Variants in TTLL12 observed in about 807,000 individuals in gnomAD.
The protein encoded by TTLL12 is tubulin tyrosine ligase like 12.
TTLL12 carries 77 observed loss-of-function variants against 79.6 expected under a neutral mutation model. That is an observed-to-expected ratio of 0.97 (90% CI 0.81 to 1.17). The LOEUF (loss-of-function observed/expected upper bound fraction) is 1.17, where lower values mean the gene tolerates loss of function less well. Among genes scored for constraint, TTLL12 ranks in the 50% most tolerant of loss-of-function variants. TTLL12 has a pLI of 0.00. For synonymous variants in TTLL12, 437 were observed against 376.1 expected, an observed-to-expected ratio of 1.16 and a Z score of -1.87; for missense variants, 969 against 895.9, an observed-to-expected ratio of 1.08 and a Z score of -1.04.
chr22:43,184,681 G>A (rs1284294716), intron 1 of TTLL12, among the ~76,000 whole-genome samples: 6 of 152,240 alleles, frequency 3.9e-5, no homozygotes, highest in South Asian at 2.1e-4. Context: ...TAGGGCTGGG[G>A]GGAGGCTCAG....
intron 5 of TTLL12, among the ~76,000 whole-genome samples, 194 bp from the exon 6 acceptor site, chr22:43,176,590 C>T (rs1330770552): frequency 6.6e-6 from 1 of 151,910 alleles, no homozygotes; most frequent in Non-Finnish European, 1.5e-5. Context: ...ATTAGCCAGG[C>T]ATGGTGGCGC....
At chr22:43,183,672 C>T (rs958770108) in intron 1 of TTLL12, among the ~76,000 whole-genome samples, 1 of 152,256 alleles carries the variant, frequency 6.6e-6, no homozygotes, top group Non-Finnish European at 1.5e-5. Context: ...TCCAGGCCAA[C>T]AGGAAGCGAG....
At chr22:43,186,744 T>C in intron 1 of TTLL12, 149 bp downstream of exon 1, 2 of 809,918 alleles carry the variant, frequency 2.5e-6, no homozygotes, top group Non-Finnish European at 3.3e-6. Context: ...GGCCCCCAAC[T>C]CCACGCCGCT....
chr22:43,172,358 G>C (rs1278464892), intron 10 of TTLL12, 45 bp downstream of exon 10: 2 of 1,602,476 alleles, frequency 1.2e-6, no homozygotes, highest in Admixed American at 1.7e-5. Context: ...CCTCCACCCG[G>C]TCACCCAGCT....
intron 1 of TTLL12, among the ~76,000 whole-genome samples, chr22:43,186,495 A>G (rs1932189019): frequency 1.3e-5 from 2 of 152,188 alleles, no homozygotes; most frequent in African/African-American, 4.8e-5. Context: ...TTACAGCTAC[A>G]CAAATTCACG....
chr22:43,172,660 C>T (rs73163906), intron 9 of TTLL12, 106 bp from the exon 10 acceptor site: 208 of 1,255,696 alleles, frequency 1.7e-4, no homozygotes, highest in Non-Finnish European at 2.0e-4. Flanking sequence ...CACTTTACTC[C>T]TCCTTCTGCC....
chr22:43,177,277 G>C (rs1404915653), intron 5 of TTLL12, among the ~76,000 whole-genome samples: 1 of 151,594 alleles, frequency 6.6e-6, no homozygotes, highest in Admixed American at 6.6e-5. Context: ...GCTGAGGCAG[G>C]AGGATTGCCT....
intron 11 of TTLL12, 111 bp from the exon 12 acceptor site, chr22:43,169,679 G>C: frequency 8.4e-7 from 1 of 1,188,188 alleles, no homozygotes; most frequent in Non-Finnish European, 1.2e-6. Flanking sequence ...GGGGGTTCCA[G>C]GAGCAGGCAG....
At chr22:43,169,017 C>G in intron 12 of TTLL12, 105 bp from the exon 13 acceptor site, 5 of 1,412,232 alleles carry the variant, frequency 3.5e-6, no homozygotes, top group Middle Eastern at 5.1e-4. Flanking sequence ...CCCAAGTCAC[C>G]CCCTCCCACA....
chr22:43,183,589 C>T (rs1336793343), intron 1 of TTLL12, among the ~76,000 whole-genome samples: 1 of 152,234 alleles, frequency 6.6e-6, no homozygotes, highest in African/African-American at 2.4e-5. Context: ...CCCCCCTCAC[C>T]AGAAGAACCC....
chr22:43,180,761 G>A lies in TTLL12; in HGVS notation c.527C>T (p.Thr176Ile), dbSNP rs762528245. ...ACTCACCCCATGGGCCAGCTGGTAG[G>A]TCTGGTTGAACTTCCACATCTCCTC... is the stretch of plus-strand genomic sequence containing the variant. ...VLEEMWKFNQTYQLAHGTAEE... is the reference protein window; with the variant it reads ...VLEEMWKFNQIYQLAHGTAEE... Residue 176 changes from threonine (T) to isoleucine (I), a missense_variant, in exon 3 of 14, where the codon ACC (threonine) becomes ATC (isoleucine). By Grantham distance (89) the Thr-to-Ile change is moderately conservative. Transcript: ENST00000216129. 1.2e-6 allele frequency: 2 copies of A among 1,613,134 alleles called. No homozygotes were observed. The highest frequency in any genetic ancestry group is 2.2e-5 in the South Asian group (2 of 91,080).
At chr22:43,176,280 G>T in intron 6 of TTLL12, 40 bp downstream of exon 6, 2 of 1,464,748 alleles carry the variant, frequency 1.4e-6, no homozygotes, top group Non-Finnish European at 1.9e-6. Flanking sequence ...CGGGGACTGC[G>T]GACAAGTCCC....
At chr22:43,172,578 G>A (rs557564777) in intron 9 of TTLL12, 24 bp from the exon 10 acceptor site, 34 of 1,613,588 alleles carry the variant, frequency 2.1e-5, no homozygotes, top group Non-Finnish European at 2.8e-5. Context: ...GTGCAAGCTC[G>A]CTGGTGGCCA....
chr22:43,169,102 G>C (rs971571731), intron 12 of TTLL12, among the ~76,000 whole-genome samples, 190 bp from the exon 13 acceptor site: 1 of 152,156 alleles, frequency 6.6e-6, no homozygotes, highest in Non-Finnish European at 1.5e-5. Context: ...CCCACCTTCT[G>C]CAAATCTGCC....
At chr22:43,173,403 C>T (rs1019298323) in intron 9 of TTLL12, among the ~76,000 whole-genome samples, 11 of 152,144 alleles carry the variant, frequency 7.2e-5, no homozygotes, top group African/African-American at 1.9e-4. Context: ...CTCAACCTCC[C>T]GGGCTCAAGT....
Position 43,174,536 on chromosome 22 carries a change from C to G in TTLL12, c.997G>C (p.Asp333His). The G allele has an allele frequency of 6.2e-7, 1 of 1,613,404 alleles. No homozygotes were observed. The highest frequency in any genetic ancestry group is 8.5e-7 in the Non-Finnish European group (1 of 1,179,730). ...AAGTGTGAGAAGTTGAAGAGGATGT[C>G]GGCGTCCGCCTCACTCTGGGTGAGG... The part of the protein sequence containing the change: ...FTLTQSEADA[D>H]ILFNFSHFKD... The change falls in exon 7 of 14, where the codon GAC (aspartate) becomes CAC (histidine). Residue 333 changes from aspartate (D) to histidine (H), a missense_variant. Transcript: ENST00000216129.
Position 43,174,587 on chromosome 22 carries a change from T to C in TTLL12, c.946A>G (p.Ser316Gly). The C allele has an allele frequency of 6.2e-7, 1 of 1,612,704 alleles. No homozygotes were observed. The highest frequency in any genetic ancestry group is 2.2e-5 in the East Asian group (1 of 44,862). ...KVYTDVQQVA[S>G]SLTHPRFTLT... ...GTGAAGCGCGGGTGGGTGAGGCTGCTGGCCACCTGCTGCACGTCCGTGTAG... is the reference window on the plus strand; with the variant it reads ...GTGAAGCGCGGGTGGGTGAGGCTGCCGGCCACCTGCTGCACGTCCGTGTAG... Residue 316 changes from serine (S) to glycine (G), a missense_variant, in exon 7 of 14, where the codon AGC becomes GGC. Physicochemically the swap from Ser to Gly is moderately conservative, Grantham distance 56 (BLOSUM62 0). Transcript: ENST00000216129.
intron 3 of TTLL12, among the ~76,000 whole-genome samples, chr22:43,180,488 G>A (rs780715181): frequency 6.6e-6 from 1 of 152,154 alleles, no homozygotes; most frequent in South Asian, 2.1e-4. Flanking sequence ...GAGAGTGACA[G>A]AATCAGGGGG....
chr22:43,176,501 A>T, intron 5 of TTLL12, 105 bp from the exon 6 acceptor site: 1 of 907,458 alleles, frequency 1.1e-6, no homozygotes, highest in Non-Finnish European at 1.8e-6. Context: ...AGGGTGAGGC[A>T]GGTGGATCAC....
Sources: gnomAD v4.1 joint callset for allele counts (sites outside exome capture counted in the v4.1 genomes callset) on GRCh38, gnomAD v4.1.1 for gene constraint, MANE v1.5 for transcripts, NCBI Gene and HGNC (gene_info 2026-07-23, HGNC 2026-07-21) for gene names.